The following RBM33 variants were observed in gnomAD, a reference collection of about 807,000 sequenced individuals.
The protein encoded by RBM33 is RNA-binding protein 33.
Under a neutral mutation model 132.6 loss-of-function variants are expected in RBM33, and 28 were observed. The observed-to-expected ratio is 0.21, with a 90% CI of 0.16 to 0.29. The LOEUF is 0.29. Among genes scored for constraint, RBM33 ranks in the 10% least tolerant of loss-of-function variants. RBM33 has a pLI of 1.00. For synonymous variants in RBM33, 634 were observed against 593.0 expected, an observed-to-expected ratio of 1.07 and a Z score of -1.01; for missense variants, 1,291 against 1,518.5, an observed-to-expected ratio of 0.85 and a Z score of 2.49.
chr7:155,687,189 G>A (rs1313796630), intron 5 of RBM33, among the ~76,000 whole-genome samples: 1 of 152,192 alleles, frequency 6.6e-6, no homozygotes, highest in African/African-American at 2.4e-5. Context: ...GCGTGAGATG[G>A]TATCTCATTG....
chr7:155,746,589 G>A (rs1428789278), intron 14 of RBM33: 1 of 152,194 alleles, frequency 6.6e-6, no homozygotes, highest in Non-Finnish European at 1.5e-5. Context: ...GATTTCCATT[G>A]CAGAAGATTC....
rs1305366990 is a variant in RBM33 at position 155,700,545 on chromosome 7, CCTTTTTT to C, written c.568-227_568-221del. Reference sequence around the variant, plus strand: ...CTATTAATTGCAAGCAAGAATTTGACCTTTTTTTTTTTTTTTTTTTTTTTTTTTTTGA... The same window carrying C: ...CTATTAATTGCAAGCAAGAATTTGACTTTTTTTTTTTTTTTTTTTTTTTGA... On this transcript the variant is annotated intron_variant, in intron 5 of 17. Coordinates refer to ENST00000401878, the MANE Select transcript of RBM33 (RefSeq NM_053043.3). 1.9e-3 allele frequency among the ~76,000 whole-genome samples: 160 copies of C among 82,848 alleles called. 2 individuals are homozygous for C. In the East Asian group the frequency reaches 0.031, roughly 16 times the overall value. The allele number at this position is 82,848 out of a possible 152,430, so 54.4% of individuals were successfully genotyped here.
chr7:155,693,767 A>G (rs1184989738), intron 5 of RBM33, among the ~76,000 whole-genome samples: 1 of 152,042 alleles, frequency 6.6e-6, no homozygotes, highest in African/African-American at 2.4e-5. Context: ...ATATTAGTCA[A>G]TGAGATAATT....
At chr7:155,653,952 G>A (rs1014866507) in intron 1 of RBM33, among the ~76,000 whole-genome samples, 4 of 152,116 alleles carry the variant, frequency 2.6e-5, no homozygotes, top group East Asian at 1.9e-4. Flanking sequence ...GGGCCTGCCC[G>A]AACTCCAGAT....
At chr7:155,675,580 T>A (rs1477965503) in intron 3 of RBM33, among the ~76,000 whole-genome samples, 1 of 152,174 alleles carries the variant, frequency 6.6e-6, no homozygotes, top group African/African-American at 2.4e-5. Context: ...CTCTCAGGTG[T>A]CCGTCGTCCA....
At chr7:155,771,899 C>T in intron 16 of RBM33, among the ~76,000 whole-genome samples, 1 of 152,050 alleles carries the variant, frequency 6.6e-6, no homozygotes, top group East Asian at 1.9e-4. Context: ...ACCACTGGGC[C>T]TGGCTAATTT....
rs752336280 is a variant in RBM33, at chr7:155,738,287, C to G, written c.1621C>G (p.Leu541Val). 5 of 1,613,966 alleles carry G rather than the reference C, an allele frequency of 3.1e-6. No individual in the cohort carries two copies. The Admixed American group carries it at 8.3e-5, about 27-fold the overall frequency. Residue 541 changes from leucine (L) to valine (V), a missense_variant, in exon 11 of 18, where the codon CTG becomes GTG. This residue lies in a region of RBM33 where 841 missense variants were observed against 912.0 expected (regional missense o/e 0.92). Transcript: ENST00000401878. ...GCAGCCTCCAGGTCCGGTGGGGATT[C>G]TGCACTTTAGCCAGCCTGGGTCGGC... The part of the protein sequence containing the change: ...ALQPPGPVGI[L>V]HFSQPGSATT...
chr7:155,727,020 T>G (rs1388094814), intron 9 of RBM33, among the ~76,000 whole-genome samples: 1 of 152,242 alleles, frequency 6.6e-6, no homozygotes, highest in African/African-American at 2.4e-5. Flanking sequence ...GAATATCAGC[T>G]GTGACATTTG....
Position 155,738,243 on chromosome 7 carries a change from G to T in RBM33, c.1577G>T (p.Arg526Leu), listed in dbSNP as rs757175220. The change falls in exon 11 of 18, where the codon CGG (arginine) becomes CTG (leucine). Residue 526 changes from arginine (R) to leucine (L), a missense_variant. Coordinates refer to ENST00000401878, the MANE Select transcript of RBM33 (RefSeq NM_053043.3). ...QGQQPVFPRE[R>L]PVRPALQPPG... ...CAGCAGCCAGTGTTCCCAAGAGAGC[G>T]GCCCGTACGACCAGCCTTGCAGCCT... The T allele has an allele frequency of 6.2e-6, 10 of 1,613,846 alleles. No individual in the cohort carries two copies.
intron 15 of RBM33, among the ~76,000 whole-genome samples, chr7:155,765,243 T>C (rs1802175420): frequency 6.6e-6 from 1 of 152,232 alleles, no homozygotes; most frequent in Non-Finnish European, 1.5e-5. Flanking sequence ...TAAGTAGGCA[T>C]TTGTTAGAGA....
chr7:155,703,867 T>G (rs1247379015), intron 6 of RBM33, among the ~76,000 whole-genome samples: 1 of 152,188 alleles, frequency 6.6e-6, no homozygotes, highest in Non-Finnish European at 1.5e-5. Flanking sequence ...ATTATTTGAT[T>G]GTGTAAAGCT....
intron 8 of RBM33, among the ~76,000 whole-genome samples, chr7:155,712,203 A>G (rs903291638): frequency 1.1e-4 from 17 of 152,210 alleles, no homozygotes; most frequent in Admixed American, 7.9e-4. Flanking sequence ...CTTCAATTCC[A>G]GTGTCAGCTG....
At chr7:155,663,454 G>A (rs987305463) in intron 1 of RBM33, among the ~76,000 whole-genome samples, 2 of 151,924 alleles carry the variant, frequency 1.3e-5, no homozygotes, top group Non-Finnish European at 2.9e-5. Flanking sequence ...AAAAGAAGGA[G>A]CAAGAGGGTG....
At chr7:155,762,810 A>C (rs1802079045) in intron 14 of RBM33, among the ~76,000 whole-genome samples, 1 of 152,034 alleles carries the variant, frequency 6.6e-6, no homozygotes, top group Admixed American at 6.6e-5. Flanking sequence ...CGTGACTGAC[A>C]CTCCCTCCCT....
chr7:155,723,206 A>C (rs1451618330), intron 9 of RBM33, among the ~76,000 whole-genome samples: 1 of 152,218 alleles, frequency 6.6e-6, no homozygotes, highest in African/African-American at 2.4e-5. Flanking sequence ...ATCAAATCAC[A>C]TTTCTTTCTA....
At chr7:155,667,286 T>C (rs1436586938) in intron 2 of RBM33, among the ~76,000 whole-genome samples, 1 of 152,112 alleles carries the variant, frequency 6.6e-6, no homozygotes, top group Non-Finnish European at 1.5e-5. Flanking sequence ...GACAGGGTGT[T>C]TCTCTGTCAC....
chr7:155,742,231 T>C, intron 13 of RBM33, 125 bp downstream of exon 13: 1 of 459,320 alleles, frequency 2.2e-6, no homozygotes, highest in Non-Finnish European at 3.3e-6. Context: ...ACCTGGGTCT[T>C]TTTTTTTTTT....
chr7:155,727,576 T>C (rs1800828198), intron 9 of RBM33, among the ~76,000 whole-genome samples: 1 of 152,192 alleles, frequency 6.6e-6, no homozygotes, highest in Admixed American at 6.5e-5. Flanking sequence ...TTGTCAAACC[T>C]CTGTTTCAAA....
chr7:155,663,056 G>C (rs142522165), intron 1 of RBM33, among the ~76,000 whole-genome samples: 1 of 152,156 alleles, frequency 6.6e-6, no homozygotes, highest in African/African-American at 2.4e-5. Flanking sequence ...ATTATTCTTA[G>C]AGACTTTAAG....
Sources: gnomAD v4.1 joint callset for allele counts (sites outside exome capture counted in the v4.1 genomes callset) on GRCh38, gnomAD v4.1.1 for gene constraint, gnomAD v4.1.1 regional missense constraint, MANE v1.5 for transcripts, NCBI Gene and HGNC (gene_info 2026-07-23, HGNC 2026-07-21) for gene names.